The following BSN variants were observed in gnomAD, a reference collection of about 807,000 sequenced individuals.
BSN encodes bassoon presynaptic cytomatrix protein.
A neutral mutation model predicts 264.8 loss-of-function variants in BSN; 57 were observed. That is an observed-to-expected ratio of 0.22 (90% CI 0.17 to 0.27). The LOEUF (loss-of-function observed/expected upper bound fraction) is 0.27. Among genes scored for constraint, BSN ranks in the 10% least tolerant of loss-of-function variants. The pLI, the probability that BSN is intolerant of heterozygous loss-of-function variation, is 1.00. For missense variants in BSN, 4,615 were observed against 5,232.5 expected (o/e 0.88, Z 3.64); for synonymous variants, 2,059 against 2,137.3 (o/e 0.96, Z 1.01).
intron 1 of BSN, among the ~76,000 whole-genome samples, chr3:49,617,766 G>A (rs939398052): frequency 2.6e-5 from 4 of 152,162 alleles, no homozygotes; most frequent in Non-Finnish European, 5.9e-5. Flanking sequence ...GTGTGTTCAG[G>A]TGTGTGGTAC....
At position 49,657,491 on chromosome 3, in the gene BSN, C is replaced by T. The variant is rs1019712007; in HGVS notation, c.7935C>T (p.His2645=). ...RHSDSGSDSK[H]DATASSSSAA... ...CAGACTCAGGCTCTGACAGCAAGCA[C>T]GATGCCACTGCCTCATCATCCAGTG... The change falls in exon 5 of 12, where the codon CAC becomes CAT. Residue 2645 remains histidine (H), a synonymous_variant. Coordinates refer to ENST00000296452, the MANE Select transcript of BSN (RefSeq NM_003458.4). 16 of 1,613,074 alleles carry T rather than the reference C, an allele frequency of 9.9e-6. No individual in the cohort carries two copies. The highest frequency in any genetic ancestry group is 2.7e-5 in the African/African-American group (2 of 74,948).
In BSN at chr3:49,651,620, C is replaced by T. The variant is rs377019592; in HGVS notation, c.2064C>T (p.Asp688=). ...QSLSDTGYSS[D]GISSSQSEIT... The stretch of plus-strand genomic sequence containing the variant: ...TCAGTGACACAGGCTATTCCTCTGA[C>T]GGCATCTCTAGCTCCCAGAGTGAGA... The change falls in exon 5 of 12, where the codon GAC becomes GAT. Residue 688 remains aspartate, a synonymous_variant. Transcript: ENST00000296452. This position sits in a 1 kb window ranked among gnomAD's most constrained non-coding sequence, Gnocchi z 5.4. 1.8e-5 allele frequency: 29 copies of T among 1,613,842 alleles called. No individual in the cohort carries two copies. Among genetic ancestry groups the T allele is most frequent in the South Asian group, 1.4e-4 (13 of 91,048 alleles).
At chr3:49,577,078 T>C (rs565761895) in intron 1 of BSN, among the ~76,000 whole-genome samples, 2 of 152,234 alleles carry the variant, frequency 1.3e-5, no homozygotes, top group Non-Finnish European at 2.9e-5. Context: ...CTTGGAGTCA[T>C]TCATTTATTC....
intron 1 of BSN, among the ~76,000 whole-genome samples, chr3:49,564,552 C>T (rs781002991): frequency 2.6e-5 from 4 of 152,160 alleles, no homozygotes; most frequent in Non-Finnish European, 4.4e-5. Flanking sequence ...GCCCTGTGAG[C>T]CTACTTTCTA....
intron 2 of BSN, among the ~76,000 whole-genome samples, chr3:49,628,880 A>G (rs1252894392): frequency 2.0e-5 from 3 of 152,100 alleles, no homozygotes; most frequent in Non-Finnish European, 2.9e-5. Flanking sequence ...TTCAGAACAA[A>G]TAGGGCAGTC....
Position 49,625,461 on chromosome 3 carries a change from A to C in BSN, c.633+78A>C. On this transcript the variant is annotated intron_variant, in intron 2 of 11. Transcript: ENST00000296452. This position sits in a 1 kb window ranked among gnomAD's most constrained non-coding sequence, Gnocchi z 4.4. The stretch of plus-strand genomic sequence containing the variant: ...TCCCCTGGTTCCCTTCCCCTCTTTC[A>C]CCAACTCTCTTTTCCTGGTCATTTC... 1 of 1,300,594 alleles carries C rather than the reference A, an allele frequency of 7.7e-7. No homozygotes were observed. Among genetic ancestry groups the C allele is most frequent in the Non-Finnish European group, 1.0e-6 (1 of 996,470 alleles). 80.6% of individuals were successfully genotyped at this position (1,300,594 alleles called of 1,614,324 possible).
At chr3:49,574,292 T>C (rs1367555540) in intron 1 of BSN, among the ~76,000 whole-genome samples, 1 of 152,072 alleles carries the variant, frequency 6.6e-6, no homozygotes, top group African/African-American at 2.4e-5. Flanking sequence ...AAACATGTTT[T>C]TGGATGCATA....
chr3:49,566,537 C>A (rs2051753156), intron 1 of BSN, among the ~76,000 whole-genome samples: 1 of 152,052 alleles, frequency 6.6e-6, no homozygotes, highest in East Asian at 1.9e-4. Context: ...GTAATCTCAG[C>A]ACTTTGGGAA....
intron 1 of BSN, among the ~76,000 whole-genome samples, chr3:49,612,806 C>A (rs1236756098): frequency 6.6e-6 from 1 of 152,260 alleles, no homozygotes; most frequent in South Asian, 2.1e-4. Flanking sequence ...AAAACTTTCC[C>A]CCTGAAATAA....
intron 3 of BSN, among the ~76,000 whole-genome samples, chr3:49,645,455 A>G (rs1412627287): frequency 6.6e-6 from 1 of 152,048 alleles, no homozygotes; most frequent in Non-Finnish European, 1.5e-5. Flanking sequence ...CACCTGCTCC[A>G]TGGACCAAGC....
At position 49,608,530 on chromosome 3, in the gene BSN, T is replaced by C. The variant is rs868487975; in HGVS notation, c.225-16445T>C. On this transcript the variant is annotated intron_variant, in intron 1 of 11. Transcript: ENST00000296452. ...CAGTCTCAACGTCTTTCATAAGCCTTATAAAAAATTGCATTCAGGCTTGGC... is the reference window on the plus strand; with the variant it reads ...CAGTCTCAACGTCTTTCATAAGCCTCATAAAAAATTGCATTCAGGCTTGGC... Among the ~76,000 whole-genome samples, 21 of 152,276 alleles carry C rather than the reference T, an allele frequency of 1.4e-4. No homozygotes were observed. In the South Asian group the frequency reaches 2.3e-3, roughly 17 times the overall value.
rs182123017 is a variant in BSN, at chr3:49,656,753, G to A, written c.7197G>A (p.Val2399=). The A allele has an allele frequency of 5.5e-4, 865 of 1,578,394 alleles. 2 individuals carry two copies. The highest frequency in any genetic ancestry group is 6.9e-4 in the Non-Finnish European group (802 of 1,161,882). The part of the protein sequence containing the change: ...RLQEELERER[V]ELQRHREEEQ... ...AAGAGGAGCTAGAGCGGGAACGTGT[G>A]GAGCTGCAGAGGCACCGTGAGGAGG... The change falls in exon 5 of 12, where the codon GTG becomes GTA. Residue 2399 remains valine, a synonymous_variant. Coordinates refer to ENST00000296452, the MANE Select transcript of BSN (RefSeq NM_003458.4).
At chr3:49,673,098 T>C (rs2052849544), downstream of BSN, among the ~76,000 whole-genome samples, 1 of 128,322 alleles carries the variant, frequency 7.8e-6, no homozygotes, top group African/African-American at 3.1e-5. Context: ...TTTTTTTTTT[T>C]TTTTTTTTTT....
In BSN at chr3:49,654,200, G is replaced by A; in HGVS notation, c.4644G>A (p.Gln1548=). The part of the protein sequence containing the change: ...HRPSTPRLVW[Q]ESSQEAPFMV... ...CCAGCACGCCTCGCCTGGTGTGGCAGGAGTCCTCTCAAGAGGCTCCCTTTA... is the reference window on the plus strand; with the variant it reads ...CCAGCACGCCTCGCCTGGTGTGGCAAGAGTCCTCTCAAGAGGCTCCCTTTA... The change falls in exon 5 of 12, where the codon CAG becomes CAA. Residue 1548 remains glutamine, a synonymous_variant. Coordinates refer to ENST00000296452, the MANE Select transcript of BSN (RefSeq NM_003458.4). The surrounding 1 kb of genome is among the most constrained non-coding windows in gnomAD (Gnocchi z 4.1). 6.2e-7 allele frequency: 1 copy of A among 1,613,964 alleles called. No homozygotes were observed. The highest frequency in any genetic ancestry group is 8.5e-7 in the Non-Finnish European group (1 of 1,179,998).
intron 2 of BSN, among the ~76,000 whole-genome samples, chr3:49,628,024 G>A (rs1402218114): frequency 1.3e-5 from 2 of 152,164 alleles, no homozygotes; most frequent in Non-Finnish European, 2.9e-5. Flanking sequence ...GTGTCGGCAG[G>A]ATGCGTTGTT....
chr3:49,647,505 G>A (rs1308146190), intron 3 of BSN, among the ~76,000 whole-genome samples: 2 of 152,212 alleles, frequency 1.3e-5, no homozygotes, highest in African/African-American at 2.4e-5. Context: ...GAGGCCAGGC[G>A]AAGGGGTAAG....
Position 49,651,296 on chromosome 3 carries a change from T to G in BSN, c.1986+217T>G. On this transcript the variant is annotated intron_variant, in intron 4 of 11. Transcript: ENST00000296452. This position sits in a 1 kb window ranked among gnomAD's most constrained non-coding sequence, Gnocchi z 5.4. ...GTGCTGTGTCTGGCACCTTGTCAGA[T>G]GCTTTGCTGGGTTTTGATACCCTTT... The G allele has an allele frequency of 1.6e-6, 1 of 637,834 alleles. No homozygotes were observed. The highest frequency in any genetic ancestry group is 2.8e-5 in the East Asian group (1 of 35,284). 39.5% of individuals were successfully genotyped at this position (637,834 alleles called of 1,614,324 possible).
chr3:49,565,522 G>A (rs944590871), intron 1 of BSN, among the ~76,000 whole-genome samples: 1 of 151,844 alleles, frequency 6.6e-6, no homozygotes, highest in Non-Finnish European at 1.5e-5. Context: ...GGGTTTCACC[G>A]TGTTAGCCAG....
intron 3 of BSN, among the ~76,000 whole-genome samples, chr3:49,649,293 T>TA (rs1321342054): frequency 6.6e-6 from 1 of 152,178 alleles, no homozygotes; most frequent in Non-Finnish European, 1.5e-5. Flanking sequence ...TTGTGGTTCT[T>TA]ATGGTCCACC....
Sources: allele counts gnomAD v4.1 joint callset (sites outside exome capture counted in the v4.1 genomes callset), GRCh38; gene constraint gnomAD v4.1.1; non-coding constraint Gnocchi (gnomAD v3.1); transcripts MANE v1.5; gene names NCBI Gene and HGNC (gene_info 2026-07-23, HGNC 2026-07-21).